The following ACSBG2 variants were observed in gnomAD, a reference collection of about 807,000 sequenced individuals.
The protein encoded by ACSBG2 is acyl-CoA synthetase bubblegum family member 2.
In ACSBG2, 62 loss-of-function variants were observed where a neutral mutation model predicts 74.7. That is an observed-to-expected ratio of 0.83 (90% confidence interval 0.68 to 1.03). The LOEUF (loss-of-function observed/expected upper bound fraction) is 1.03, where lower values mean the gene tolerates loss of function less well. ACSBG2 is among the 50% of genes least tolerant of loss of function. The pLI is 0.00. For synonymous variants in ACSBG2, 309 were observed against 294.1 expected, an observed-to-expected ratio of 1.05 and a Z score of -0.52; for missense variants, 730 against 817.6, an observed-to-expected ratio of 0.89 and a Z score of 1.31.
intron 4 of ACSBG2, among the ~76,000 whole-genome samples, chr19:6,155,109 C>G (rs563581754): frequency 5.3e-5 from 8 of 152,196 alleles, no homozygotes; most frequent in African/African-American, 1.4e-4. Flanking sequence ...GTGCCTCATT[C>G]CCTGCCATAT....
intron 11 of ACSBG2, 29 bp downstream of exon 11, chr19:6,185,682 T>G (rs747490635): frequency 1.1e-5 from 18 of 1,611,852 alleles, no homozygotes; most frequent in Non-Finnish European, 1.5e-5. Flanking sequence ...TTTGGGAATC[T>G]CCTGCAAGCA....
intron 3 of ACSBG2, among the ~76,000 whole-genome samples, chr19:6,148,652 A>G (rs967457752): frequency 7.6e-3 from 213 of 27,856 alleles, no homozygotes; most frequent in African/African-American, 0.014. Flanking sequence ...ATAAAGAAAA[A>G]AAAAAAAAAA....
rs1426095024 is a variant in ACSBG2, at chr19:6,185,542, G to C, written c.1429G>C (p.Glu477Gln). The stretch of plus-strand genomic sequence containing the variant: ...TAGGCACATCTTCATGGGCTATCTG[G>C]AAAGTGAGACTGAAACTACAGAGGC... ...WGRHIFMGYL[E>Q]SETETTEAID... Residue 477 changes from glutamate (E) to glutamine (Q), a missense_variant, in exon 11 of 15, where the codon GAA becomes CAA. Physicochemically the swap from Glu to Gln is conservative, Grantham distance 29. Coordinates refer to ENST00000588485, the MANE Select transcript of ACSBG2 (RefSeq NM_030924.5). The C allele has an allele frequency of 4.3e-6, 7 of 1,614,198 alleles. No individual in the cohort carries two copies. The highest frequency in any genetic ancestry group is 4.5e-5 in the East Asian group (2 of 44,878).
intron 4 of ACSBG2, among the ~76,000 whole-genome samples, chr19:6,152,113 C>T (rs2089258957): frequency 6.6e-6 from 1 of 152,022 alleles, no homozygotes; most frequent in Non-Finnish European, 1.5e-5. Flanking sequence ...CCTGTAAAAC[C>T]TCACGACAGC....
chr19:6,184,909 A>AT (rs1471335386), intron 10 of ACSBG2, among the ~76,000 whole-genome samples: 2 of 111,980 alleles, frequency 1.8e-5, no homozygotes, highest in Non-Finnish European at 1.8e-5. Context: ...ATTTTCTTTC[A>AT]TTTTTTGTTT....
In ACSBG2 at chr19:6,185,566, G is replaced by C; in HGVS notation, c.1453G>C (p.Ala485Pro). The stretch of plus-strand genomic sequence containing the variant: ...GGAAAGTGAGACTGAAACTACAGAG[G>C]CCATCGATGATGAAGGCTGGCTACA... The part of the protein sequence containing the change: ...YLESETETTE[A>P]IDDEGWLHSG... Residue 485 changes from alanine (A) to proline (P), a missense_variant, in exon 11 of 15, where the codon GCC (alanine) becomes CCC (proline). Physicochemically the swap from Ala to Pro is conservative, Grantham distance 27. Coordinates refer to ENST00000588485, the MANE Select transcript of ACSBG2 (RefSeq NM_030924.5). The C allele has an allele frequency of 6.2e-7, 1 of 1,614,184 alleles. No individual in the cohort carries two copies. The highest frequency in any genetic ancestry group is 8.5e-7 in the Non-Finnish European group (1 of 1,180,032).
In ACSBG2 at chr19:6,161,608, C is replaced by T. The variant is rs563966026; in HGVS notation, c.588+313C>T. 34 of 251,424 alleles carry T rather than the reference C, an allele frequency of 1.4e-4. No homozygotes were observed. The South Asian group carries it at 2.0e-3, about 15-fold the overall frequency. 15.6% of individuals were successfully genotyped at this position (251,424 alleles called of 1,614,324 possible). A position where few individuals can be genotyped will look rare whatever the true frequency, so the allele number is the denominator to read the frequency against. On this transcript the variant is annotated intron_variant, in intron 6 of 14. Transcript: ENST00000588485. ...GGAGGTAAGCAGAGATGGAATGGGG[C>T]CTCACAAATGTGGTAGGTGGGGGTT... is the stretch of plus-strand genomic sequence containing the variant.
intron 2 of ACSBG2, among the ~76,000 whole-genome samples, chr19:6,144,309 T>C (rs1452723400): frequency 6.6e-6 from 1 of 152,156 alleles, no homozygotes; most frequent in Admixed American, 6.5e-5. Context: ...ACTGAAGTAA[T>C]TAGTTAAAAT....
chr19:6,142,658 C>A (rs1352162337), intron 2 of ACSBG2, among the ~76,000 whole-genome samples: 2 of 148,556 alleles, frequency 1.3e-5, no homozygotes, highest in Non-Finnish European at 3.0e-5. Flanking sequence ...GAGGCTGAGG[C>A]AGGAGAATGG....
intron 1 of ACSBG2, among the ~76,000 whole-genome samples, chr19:6,136,176 T>C (rs2088557393): frequency 1.5e-5 from 2 of 134,468 alleles, no homozygotes; most frequent in South Asian, 2.4e-4. Flanking sequence ...ACTGCAAGCT[T>C]CGCCTCCCAG....
intron 10 of ACSBG2, among the ~76,000 whole-genome samples, chr19:6,184,483 A>G (rs1184796618): frequency 1.3e-5 from 2 of 152,060 alleles, no homozygotes; most frequent in Admixed American, 6.6e-5. Context: ...TTTGCTAACC[A>G]GGGGAATACC....
chr19:6,141,167 A>C (rs913632015), intron 1 of ACSBG2, among the ~76,000 whole-genome samples: 1 of 152,168 alleles, frequency 6.6e-6, no homozygotes, highest in African/African-American at 2.4e-5. Flanking sequence ...TTTTCATGTT[A>C]ATATTACCTT....
At position 6,147,571 on chromosome 19, in the gene ACSBG2, G is replaced by A; in HGVS notation, c.193G>A (p.Gly65Arg). ...EFFRESVNRF[G>R]TYPALASKNG... ...TTTTCGAGAGTCAGTCAACCGATTT[G>A]GAACTTATCCAGCCCTCGCATCCAA... is the stretch of plus-strand genomic sequence containing the variant. The change falls in exon 3 of 15, where the codon GGA becomes AGA. Residue 65 changes from glycine (G) to arginine (R), a missense_variant. Coordinates refer to ENST00000588485, the MANE Select transcript of ACSBG2 (RefSeq NM_030924.5). 6.2e-7 allele frequency: 1 copy of A among 1,614,116 alleles called. No homozygotes were observed. Among genetic ancestry groups the A allele is most frequent in the Non-Finnish European group, 8.5e-7 (1 of 1,180,032 alleles).
intron 4 of ACSBG2, among the ~76,000 whole-genome samples, chr19:6,155,504 C>G (rs1174867814): frequency 6.6e-6 from 1 of 152,020 alleles, no homozygotes; most frequent in Non-Finnish European, 1.5e-5. Context: ...ACAAGATGAA[C>G]AGTTGTCGAA....
chr19:6,182,927 G>A lies in ACSBG2; in HGVS notation c.1083G>A (p.Met361Ile). ...GCTTCAAGGTCAACTCAAAAAAGAT[G>A]TTGGGGTAGGTGGAGCATCCAGAGG... ...NIGFKVNSKK[M>I]LGKYNTPVSY... Residue 361 changes from methionine (M) to isoleucine (I), a missense_variant, in exon 9 of 15, where the codon ATG becomes ATA. Transcript: ENST00000588485. The A allele has an allele frequency of 6.2e-7, 1 of 1,614,110 alleles. No homozygotes were observed. The highest frequency in any genetic ancestry group is 1.1e-5 in the South Asian group (1 of 91,076).
intron 4 of ACSBG2, among the ~76,000 whole-genome samples, chr19:6,155,068 G>A (rs2089372849): frequency 6.6e-6 from 1 of 152,112 alleles, no homozygotes; most frequent in Admixed American, 6.6e-5. Context: ...TAAGAATGGT[G>A]ATGAGAGTAA....
intron 13 of ACSBG2, chr19:6,189,716 T>TTTC: frequency 7.0e-6 from 1 of 143,724 alleles, no homozygotes; most frequent in Non-Finnish European, 1.5e-5. Context: ...TCTTTCTTTC[T>TTTC]TTTTTTTTTT....
intron 5 of ACSBG2, among the ~76,000 whole-genome samples, chr19:6,157,067 C>A (rs1452924022): frequency 6.6e-6 from 1 of 152,148 alleles, no homozygotes; most frequent in Non-Finnish European, 1.5e-5. Context: ...CTGCCTCAGC[C>A]TCCCAAGTAG....
intron 7 of ACSBG2, among the ~76,000 whole-genome samples, chr19:6,173,851 C>T (rs2090026196): frequency 6.6e-6 from 1 of 152,072 alleles, no homozygotes; most frequent in Non-Finnish European, 1.5e-5. Flanking sequence ...GTCAGCCACG[C>T]TGAGCCCAAG....
Sources: gnomAD v4.1 joint callset for allele counts (sites outside exome capture counted in the v4.1 genomes callset) on GRCh38, gnomAD v4.1.1 for gene constraint, MANE v1.5 for transcripts, NCBI Gene and HGNC (gene_info 2026-07-23, HGNC 2026-07-21) for gene names.